Variants in ZNF438 observed in about 807,000 individuals in gnomAD.
The protein encoded by ZNF438 is zinc finger protein 438.
A neutral mutation model predicts 38.0 loss-of-function variants in ZNF438; 25 were observed. That is an observed-to-expected ratio of 0.66 (90% CI 0.48 to 0.92). The LOEUF (loss-of-function observed/expected upper bound fraction) is 0.92, where lower values mean the gene tolerates loss of function less well. ZNF438 is among the 40% of genes least tolerant of loss of function. The probability of loss-of-function intolerance (pLI) is 0.00; values close to 1 mark genes in which losing one functional copy is unlikely to be tolerated. For synonymous variants in ZNF438, 372 were observed against 364.1 expected, an observed-to-expected ratio of 1.02 and a Z score of -0.25; for missense variants, 1,007 against 999.6, an observed-to-expected ratio of 1.01 and a Z score of -0.10.
At chr10:31,003,391 C>G (rs888715297) in intron 1 of ZNF438, among the ~76,000 whole-genome samples, 11 of 152,122 alleles carry the variant, frequency 7.2e-5, no homozygotes, top group Non-Finnish European at 1.5e-5. Context: ...CTTACTCTTC[C>G]CGTTGGGTCC....
At chr10:30,991,773 G>C (rs771016729) in intron 1 of ZNF438, among the ~76,000 whole-genome samples, 1 of 152,188 alleles carries the variant, frequency 6.6e-6, no homozygotes, top group Non-Finnish European at 1.5e-5. Flanking sequence ...AGTAAACACA[G>C]AGGTCAGGAA....
chr10:30,850,665 A>T lies in ZNF438; in HGVS notation c.38-298T>A, dbSNP rs79397765. Among the ~76,000 whole-genome samples, 21 of 152,238 alleles carry T rather than the reference A, an allele frequency of 1.4e-4. No individual in the cohort carries two copies. In the East Asian group the frequency reaches 3.7e-3, roughly 27 times the overall value. On this transcript the variant is annotated intron_variant, in intron 4 of 5. Transcript: ENST00000413025. ...CTAGTCAACACTGCTTGACAGCGAA[A>T]ATTCCGTCCTTCTCATCCATGTATT...
chr10:30,972,824 A>C (rs1245834592), intron 1 of ZNF438, among the ~76,000 whole-genome samples: 5 of 152,224 alleles, frequency 3.3e-5, no homozygotes, highest in African/African-American at 1.2e-4. Flanking sequence ...TCTCTTTTTA[A>C]TAGATTTAAA....
At chr10:31,031,914 C>T (rs1470956995) in exon 1 of ZNF438, 1 of 152,474 alleles carries the variant, frequency 6.6e-6, no homozygotes, top group Non-Finnish European at 1.5e-5. Context: ...GGGCGCGGGC[C>T]GCTGGGCCCC....
At chr10:30,964,237 C>A (rs924746051) in intron 1 of ZNF438, among the ~76,000 whole-genome samples, 3 of 152,262 alleles carry the variant, frequency 2.0e-5, no homozygotes, top group Middle Eastern at 6.8e-3. Context: ...GTCAGATAGC[C>A]TTACTCTTTT....
intron 1 of ZNF438, among the ~76,000 whole-genome samples, chr10:31,009,379 C>G (rs1298161919): frequency 6.6e-6 from 1 of 152,158 alleles, no homozygotes; most frequent in Non-Finnish European, 1.5e-5. Context: ...ATACTGATAG[C>G]AATATTGTGA....
chr10:30,990,150 T>C (rs2053320475), intron 1 of ZNF438, among the ~76,000 whole-genome samples: 1 of 152,168 alleles, frequency 6.6e-6, no homozygotes, highest in South Asian at 2.1e-4. Context: ...TAAGAGATGA[T>C]AGAGAACCAA....
At chr10:30,848,447 T>G (rs2032795524) in intron 5 of ZNF438, 84 bp downstream of exon 6, 5 of 1,475,806 alleles carry the variant, frequency 3.4e-6, no homozygotes, top group Non-Finnish European at 4.6e-6. Context: ...TTTTATAAAC[T>G]CTCCTTTCTG....
At chr10:30,849,535 C>T (rs2033113799) in exon 5 of ZNF438, 1 of 1,614,086 alleles carries the variant, frequency 6.2e-7, no homozygotes, top group African/African-American at 1.3e-5. Context: ...TTGGCAGTTT[C>T]CCTTTGGGGA....
At chr10:30,885,110 G>C (rs2039785894) in intron 3 of ZNF438, among the ~76,000 whole-genome samples, 1 of 152,166 alleles carries the variant, frequency 6.6e-6, no homozygotes, top group East Asian at 1.9e-4. Flanking sequence ...CTGACATACT[G>C]TCATTCAGAT....
intron 1 of ZNF438, among the ~76,000 whole-genome samples, chr10:30,980,897 T>C (rs183096373): frequency 1.0e-3 from 154 of 152,328 alleles, no homozygotes; most frequent in Admixed American, 2.2e-3. Context: ...CCAACCATCA[T>C]AATCCTCTTC....
intron 1 of ZNF438, among the ~76,000 whole-genome samples, chr10:31,022,008 G>A (rs1467214006): frequency 6.6e-6 from 1 of 152,174 alleles, no homozygotes; most frequent in Non-Finnish European, 1.5e-5. Context: ...GGTGCCTCAG[G>A]ACCTGAAGGA....
At chr10:30,864,281 T>C (rs2036065168) in intron 4 of ZNF438, among the ~76,000 whole-genome samples, 1 of 152,204 alleles carries the variant, frequency 6.6e-6, no homozygotes, top group Non-Finnish European at 1.5e-5. Flanking sequence ...AAAAGGTGCA[T>C]CTGAAAATAA....
intron 1 of ZNF438, among the ~76,000 whole-genome samples, chr10:31,029,120 G>C (rs1449672914): frequency 2.0e-5 from 3 of 152,216 alleles, no homozygotes; most frequent in African/African-American, 7.2e-5. Flanking sequence ...AAGCCACAAT[G>C]CTTAGGTTTG....
chr10:30,848,421 C>G (rs1217004736), intron 5 of ZNF438, 110 bp downstream of exon 6: 1 of 1,314,094 alleles, frequency 7.6e-7, no homozygotes, highest in Non-Finnish European at 1.0e-6. Flanking sequence ...TTTATGAAAT[C>G]TTAATCCTAG....
chr10:30,995,043 G>GA (rs35673009), intron 1 of ZNF438, among the ~76,000 whole-genome samples: 107,413 of 145,278 alleles, frequency 0.74, 40,184 homozygotes, highest in African/African-American at 0.86. Flanking sequence ...TCAGAGAGAG[G>GA]AAAAAAAAAA....
intron 2 of ZNF438, among the ~76,000 whole-genome samples, chr10:30,925,280 A>T (rs2044784485): frequency 6.9e-6 from 1 of 144,974 alleles, no homozygotes; most frequent in African/African-American, 2.6e-5. Flanking sequence ...TTTGTCTTTT[A>T]AGAGTTAGAT....
chr10:30,944,215 G>C (rs755475437), intron 1 of ZNF438, among the ~76,000 whole-genome samples: 1 of 152,160 alleles, frequency 6.6e-6, no homozygotes, highest in Non-Finnish European at 1.5e-5. Context: ...CTCAGAACTT[G>C]CTTGTCCAAA....
intron 3 of ZNF438, among the ~76,000 whole-genome samples, chr10:30,889,323 A>G (rs557699085): frequency 5.7e-4 from 87 of 152,308 alleles, no homozygotes; most frequent in African/African-American, 1.8e-3. Context: ...CATTAATACA[A>G]TGTATCAATG....
Sources: gnomAD v4.1 joint callset for allele counts (sites outside exome capture counted in the v4.1 genomes callset) on GRCh38, gnomAD v4.1.1 for gene constraint, MANE v1.5 for transcripts, NCBI Gene and HGNC (gene_info 2026-07-23, HGNC 2026-07-21) for gene names.